Variants in CFAP52 observed in about 807,000 individuals in gnomAD.
CFAP52 encodes cilia and flagella associated protein 52.
Under a neutral mutation model 70.5 loss-of-function variants are expected in CFAP52, and 57 were observed. The ratio of observed to expected loss-of-function variants is 0.81; its 90% CI spans 0.65 to 1.01. CFAP52 has a LOEUF of 1.01. Ranked by LOEUF, CFAP52 falls within the 50% of genes least tolerant of loss-of-function variation. CFAP52 has a pLI of 0.00. For missense variants in CFAP52, 785 were observed against 788.5 expected, an observed-to-expected ratio of 1.00 and a Z score of 0.05; for synonymous variants, 267 against 292.5, an observed-to-expected ratio of 0.91 and a Z score of 0.89.
chr17:9,586,041 TC>T (rs1908457595), intron 2 of CFAP52, 69 bp downstream of exon 2: 1 of 1,516,210 alleles, frequency 6.6e-7, no homozygotes, highest in African/African-American at 1.4e-5. Context: ...CTGCCCCACT[TC>T]AAGTTGTTAG....
chr17:9,600,900 G>T (rs1464665395), intron 6 of CFAP52, among the ~76,000 whole-genome samples: 1 of 152,044 alleles, frequency 6.6e-6, no homozygotes, highest in Non-Finnish European at 1.5e-5. Context: ...TTTTTATTCT[G>T]GGTAAAGACA....
At chr17:9,587,055 T>G (rs1352533705) in intron 3 of CFAP52, among the ~76,000 whole-genome samples, 7 of 152,070 alleles carry the variant, frequency 4.6e-5, no homozygotes, top group African/African-American at 1.7e-4. Flanking sequence ...AGTGTCTGTG[T>G]TCCCTTCTAT....
chr17:9,632,070 G>T (rs561320642), intron 9 of CFAP52, among the ~76,000 whole-genome samples: 66 of 141,178 alleles, frequency 4.7e-4, no homozygotes, highest in African/African-American at 1.8e-3. Context: ...ACTGCGCCCA[G>T]CCTCCACTTT....
chr17:9,627,526 A>G (rs1910284928), intron 8 of CFAP52, among the ~76,000 whole-genome samples: 1 of 152,148 alleles, frequency 6.6e-6, no homozygotes, highest in South Asian at 2.1e-4. Context: ...ATAAATGAAT[A>G]AATAAATAAA....
chr17:9,643,939 C>A (rs1269113236), downstream of CFAP52, among the ~76,000 whole-genome samples: 1 of 152,176 alleles, frequency 6.6e-6, no homozygotes, highest in Non-Finnish European at 1.5e-5. Context: ...AATCACCCAG[C>A]CGGGTATCTT....
At chr17:9,631,028 A>AAGAAAGAGAGAGAGAGAGAG (rs1555544250) in intron 9 of CFAP52, among the ~76,000 whole-genome samples, 6 of 44,736 alleles carry the variant, frequency 1.3e-4, no homozygotes, top group African/African-American at 2.4e-4. Flanking sequence ...GAAAGAAAGA[A>AAGAAAGAGAGAGAGAGAGAG]AGAGAGAGAG....
intron 11 of CFAP52, among the ~76,000 whole-genome samples, chr17:9,636,373 C>T (rs1363169204): frequency 7.9e-5 from 12 of 152,268 alleles, no homozygotes; most frequent in Admixed American, 3.3e-4. Context: ...CCTTTCCCCT[C>T]GGTTGGCTGC....
At chr17:9,642,252 G>C (rs1201609998) in intron 13 of CFAP52, among the ~76,000 whole-genome samples, 1 of 152,176 alleles carries the variant, frequency 6.6e-6, no homozygotes, top group Non-Finnish European at 1.5e-5. Flanking sequence ...ATATTTCAAA[G>C]GGGCATTTAC....
At chr17:9,615,651 C>T (rs532792979) in intron 8 of CFAP52, among the ~76,000 whole-genome samples, 116 of 151,680 alleles carry the variant, frequency 7.6e-4, no homozygotes, top group African/African-American at 2.7e-3. Flanking sequence ...ATAAGGTCTT[C>T]CTCTGTCACC....
At chr17:9,594,057 TG>T in intron 3 of CFAP52, 135 bp from the exon 4 acceptor site, 2 of 1,244,712 alleles carry the variant, frequency 1.6e-6, no homozygotes, top group East Asian at 2.6e-5. Context: ...ATGTCAGGGG[TG>T]GGGTAATTTT....
downstream of CFAP52, chr17:9,644,707 A>T (rs192214398): frequency 8.5e-5 from 13 of 152,212 alleles, no homozygotes; most frequent in African/African-American, 2.9e-4. Flanking sequence ...GAAACCGCGT[A>T]GGGGGCGCGC....
At chr17:9,631,255 C>A (rs1910527140) in intron 9 of CFAP52, among the ~76,000 whole-genome samples, 1 of 151,860 alleles carries the variant, frequency 6.6e-6, no homozygotes. Context: ...TCTTACTACT[C>A]ACCCCTTCTA....
At position 9,635,265 on chromosome 17, in the gene CFAP52, C is replaced by T. The variant is rs1008932899; in HGVS notation, c.1321-140C>T. ...CCTGCCCTTCAACTTAGCATTCACA[C>T]CCCACCCAACCGAGACAAAGACAGG... On this transcript the variant is annotated intron_variant, in intron 10 of 13. Coordinates refer to ENST00000352665, the MANE Select transcript of CFAP52 (RefSeq NM_145054.5). The T allele has an allele frequency of 4.8e-5, 57 of 1,177,486 alleles. No homozygotes were observed. In the African/African-American group the frequency reaches 8.5e-4, roughly 18 times the overall value. 72.9% of individuals were successfully genotyped at this position (1,177,486 alleles called of 1,614,324 possible). A position where few individuals can be genotyped will look rare whatever the true frequency, so the allele number is the denominator to read the frequency against.
downstream of CFAP52, among the ~76,000 whole-genome samples, chr17:9,643,720 T>G (rs527428095): frequency 4.0e-4 from 61 of 152,366 alleles, no homozygotes; most frequent in African/African-American, 1.4e-3. Flanking sequence ...ATTAAGTGAC[T>G]AATGTACTAA....
At chr17:9,599,747 T>C (rs544273377) in intron 5 of CFAP52, among the ~76,000 whole-genome samples, 288 of 152,110 alleles carry the variant, frequency 1.9e-3, no homozygotes, top group African/African-American at 6.2e-3. Context: ...TCTTCTTCTT[T>C]TTTTTTTTCC....
At position 9,643,238 on chromosome 17, in the gene CFAP52, T is replaced by A; in HGVS notation, c.*40T>A. The A allele has an allele frequency of 6.7e-7, 1 of 1,494,280 alleles. No homozygotes were observed. The highest frequency in any genetic ancestry group is 1.5e-5 in the South Asian group (1 of 65,538). The allele number at this position is 1,494,280 out of a possible 1,614,324, so 92.6% of individuals were successfully genotyped here. A position where few individuals can be genotyped will look rare whatever the true frequency, so the allele number is the denominator to read the frequency against. ...CTCTGAGCCTTGGCGTTGCACGCAGTCCTGTTGAAGACTGAGTTTAGATAA... is the reference window on the plus strand; with the variant it reads ...CTCTGAGCCTTGGCGTTGCACGCAGACCTGTTGAAGACTGAGTTTAGATAA... On this transcript the variant is annotated 3_prime_UTR_variant, in exon 14 of 14. Coordinates refer to ENST00000352665, the MANE Select transcript of CFAP52 (RefSeq NM_145054.5).
At chr17:9,616,657 C>A (rs1034938188) in intron 8 of CFAP52, among the ~76,000 whole-genome samples, 279 of 149,682 alleles carry the variant, frequency 1.9e-3, no homozygotes, top group African/African-American at 6.2e-3. Flanking sequence ...GATCTGAGAA[C>A]GGGCAGACTG....
intron 9 of CFAP52, among the ~76,000 whole-genome samples, chr17:9,631,052 G>A (rs62064131): frequency 0.1 from 3,910 of 37,724 alleles, 889 homozygotes; most frequent in East Asian, 0.38. Flanking sequence ...GAGAGAGAGA[G>A]AGAAAGAAAG....
chr17:9,609,319 G>C (rs867075687), intron 7 of CFAP52, among the ~76,000 whole-genome samples: 2 of 152,136 alleles, frequency 1.3e-5, no homozygotes, highest in African/African-American at 4.8e-5. Flanking sequence ...AAATAAACAA[G>C]GAAAGTACAT....
Sources: gnomAD v4.1 joint callset for allele counts (sites outside exome capture counted in the v4.1 genomes callset) on GRCh38, gnomAD v4.1.1 for gene constraint, MANE v1.5 for transcripts, NCBI Gene and HGNC (gene_info 2026-07-23, HGNC 2026-07-21) for gene names.